PLXDC2: variants seen among roughly 807,000 people sequenced by gnomAD.
PLXDC2 encodes the protein plexin domain-containing protein 2.
A neutral mutation model predicts 68.9 loss-of-function variants in PLXDC2; 40 were observed. The ratio of observed to expected loss-of-function variants is 0.58; its 90% CI spans 0.45 to 0.76. The LOEUF is 0.76. Ranked by LOEUF, PLXDC2 falls within the 30% of genes least tolerant of loss-of-function variation. The pLI is 0.00. For synonymous variants in PLXDC2, 243 were observed against 234.2 expected (o/e 1.04, Z -0.34); for missense variants, 644 against 661.9 (o/e 0.97, Z 0.30).
At chr10:20,165,007 G>A (rs1834355707) in intron 7 of PLXDC2, among the ~76,000 whole-genome samples, 1 of 151,982 alleles carries the variant, frequency 6.6e-6, no homozygotes, top group African/African-American at 2.4e-5. Context: ...ATTATTTGAA[G>A]AAGTGAGGTC....
At chr10:19,857,360 A>G (rs1837233759) in intron 1 of PLXDC2, among the ~76,000 whole-genome samples, 1 of 152,234 alleles carries the variant, frequency 6.6e-6, no homozygotes, top group Non-Finnish European at 1.5e-5. Flanking sequence ...TTAAAGCTGT[A>G]TTAATATTAA....
chr10:20,069,452 T>C (rs1007001135), intron 4 of PLXDC2, among the ~76,000 whole-genome samples: 2 of 151,744 alleles, frequency 1.3e-5, no homozygotes, highest in Non-Finnish European at 2.9e-5. Flanking sequence ...AGCCCAGGAG[T>C]TGAAGACAAG....
intron 10 of PLXDC2, 95 bp downstream of exon 10, chr10:20,211,824 A>T: frequency 8.8e-7 from 1 of 1,139,300 alleles, no homozygotes; most frequent in South Asian, 1.7e-5. Flanking sequence ...TTATGCCCTA[A>T]AACTTAATGA....
chr10:20,172,127 T>C (rs1179001841), intron 7 of PLXDC2, among the ~76,000 whole-genome samples: 3 of 151,810 alleles, frequency 2.0e-5, no homozygotes, highest in African/African-American at 2.4e-5. Context: ...GAAAAACATT[T>C]GCTTCAGTGG....
intron 4 of PLXDC2, among the ~76,000 whole-genome samples, chr10:20,080,745 A>G (rs1270239087): frequency 1.3e-5 from 2 of 152,130 alleles, no homozygotes; most frequent in Non-Finnish European, 2.9e-5. Flanking sequence ...CAGGAACAAT[A>G]CTTTGTATCC....
rs191789567 is a variant in PLXDC2 at position 20,183,795 on chromosome 10, T to C, written c.1061+6386T>C. 1.2e-4 allele frequency among the ~76,000 whole-genome samples: 18 copies of C among 152,128 alleles called. No homozygotes were observed. In the East Asian group the frequency reaches 3.3e-3, roughly 28 times the overall value. On this transcript the variant is annotated intron_variant, in intron 9 of 13. Transcript: ENST00000377252. The stretch of plus-strand genomic sequence containing the variant: ...GCCCATTTTGGCTGTTACTATCCAC[T>C]GGGTTTTGTCAATGTTAACCAAATT...
chr10:20,113,603 C>T (rs867932664), intron 4 of PLXDC2, among the ~76,000 whole-genome samples: 1 of 152,266 alleles, frequency 6.6e-6, no homozygotes, highest in Non-Finnish European at 1.5e-5. Flanking sequence ...TCTACACATT[C>T]TGGCTGAATG....
At chr10:19,985,651 G>A (rs925603705) in intron 1 of PLXDC2, among the ~76,000 whole-genome samples, 1 of 152,126 alleles carries the variant, frequency 6.6e-6, no homozygotes, top group African/African-American at 2.4e-5. Flanking sequence ...ATCCTTTACT[G>A]ACTTTATGTG....
chr10:19,948,453 T>C (rs1330429276), intron 1 of PLXDC2, among the ~76,000 whole-genome samples: 1 of 150,748 alleles, frequency 6.6e-6, no homozygotes, highest in African/African-American at 2.4e-5. Flanking sequence ...ATGATTTTGA[T>C]CTTCCATTCT....
chr10:20,081,137 A>T (rs1381038810), intron 4 of PLXDC2, among the ~76,000 whole-genome samples: 1 of 152,174 alleles, frequency 6.6e-6, no homozygotes, highest in Non-Finnish European at 1.5e-5. Flanking sequence ...CCTTCCTAGG[A>T]CCTTATCCTA....
chr10:19,833,955 T>C (rs888386786), intron 1 of PLXDC2, among the ~76,000 whole-genome samples: 2 of 151,864 alleles, frequency 1.3e-5, no homozygotes, highest in Non-Finnish European at 2.9e-5. Flanking sequence ...TGCTTTTTTT[T>C]TTTTTTTCTC....
intron 12 of PLXDC2, among the ~76,000 whole-genome samples, chr10:20,230,938 T>A (rs141263586): frequency 1.1e-4 from 16 of 151,232 alleles, no homozygotes; most frequent in Admixed American, 1.1e-3. Flanking sequence ...TGTGGTCTTA[T>A]AGACTACACT....
At chr10:19,887,742 TAGACAGTATTTC>T (rs1412995640) in intron 1 of PLXDC2, among the ~76,000 whole-genome samples, 1 of 152,214 alleles carries the variant, frequency 6.6e-6, no homozygotes, top group African/African-American at 2.4e-5. Context: ...GATAGTGGCA[TAGACAGTATTTC>T]CTTCTGTCTT....
At chr10:20,164,667 G>C (rs139965961) in intron 7 of PLXDC2, 100 bp downstream of exon 7, 22 of 864,998 alleles carry the variant, frequency 2.5e-5, no homozygotes, top group Non-Finnish European at 4.0e-5. Flanking sequence ...AAAAAAAATA[G>C]CTAATCGATT....
chr10:19,950,384 C>A (rs1833972124), intron 1 of PLXDC2, among the ~76,000 whole-genome samples: 1 of 151,994 alleles, frequency 6.6e-6, no homozygotes, highest in African/African-American at 2.4e-5. Flanking sequence ...AGCTGAGAGC[C>A]AAATCAAGAA....
chr10:20,146,488 T>TTCCTTCCTTCCTTCC (rs1554769785), intron 5 of PLXDC2, among the ~76,000 whole-genome samples: 1 of 81,412 alleles, frequency 1.2e-5, no homozygotes, highest in Non-Finnish European at 2.4e-5. Flanking sequence ...TTCTTTTCTT[T>TTCCTTCCTTCCTTCC]TTCCTTCCTT....
At chr10:20,195,288 G>C (rs904482460) in intron 9 of PLXDC2, among the ~76,000 whole-genome samples, 1 of 152,052 alleles carries the variant, frequency 6.6e-6, no homozygotes, top group Non-Finnish European at 1.5e-5. Context: ...GACAGAGCTC[G>C]AAGATCAGTG....
At chr10:19,917,122 A>G (rs1833382249) in intron 1 of PLXDC2, among the ~76,000 whole-genome samples, 1 of 152,188 alleles carries the variant, frequency 6.6e-6, no homozygotes. Flanking sequence ...AAGTTTATTT[A>G]GTCAGGGCTT....
chr10:19,877,895 T>C (rs1439005759), intron 1 of PLXDC2, among the ~76,000 whole-genome samples: 1 of 152,188 alleles, frequency 6.6e-6, no homozygotes, highest in Admixed American at 6.5e-5. Flanking sequence ...ATCAATGGAG[T>C]AGCATGTCCT....
Sources: allele counts gnomAD v4.1 joint callset (sites outside exome capture counted in the v4.1 genomes callset), GRCh38; gene constraint gnomAD v4.1.1; transcripts MANE v1.5; gene names NCBI Gene and HGNC (gene_info 2026-07-23, HGNC 2026-07-21).